ATRNL1: variants seen among roughly 807,000 people sequenced by gnomAD.
ATRNL1 encodes the protein attractin like 1.
In ATRNL1, 95 loss-of-function variants were observed where a neutral mutation model predicts 182.7. That is an observed-to-expected ratio of 0.52 (90% CI 0.44 to 0.62). The LOEUF is 0.62. Among genes scored for constraint, ATRNL1 ranks in the 20% least tolerant of loss-of-function variants. ATRNL1 has a pLI of 0.00. For missense variants in ATRNL1, 1,471 were observed against 1,679.5 expected, an observed-to-expected ratio of 0.88 and a Z score of 2.17; for synonymous variants, 576 against 568.3, an observed-to-expected ratio of 1.01 and a Z score of -0.19.
chr10:115,285,977 C>A (rs1852592608), intron 14 of ATRNL1, among the ~76,000 whole-genome samples: 1 of 151,996 alleles, frequency 6.6e-6, no homozygotes, highest in Non-Finnish European at 1.5e-5. Context: ...GCAGTCAACA[C>A]ATTTAACAGA....
At chr10:115,673,224 G>T (rs1945754612) in intron 26 of ATRNL1, among the ~76,000 whole-genome samples, 1 of 152,096 alleles carries the variant, frequency 6.6e-6, no homozygotes, top group Non-Finnish European at 1.5e-5. Context: ...AAATCTGAGT[G>T]ATATAATGGC....
At chr10:115,714,486 C>T (rs147297195) in intron 26 of ATRNL1, among the ~76,000 whole-genome samples, 54 of 152,276 alleles carry the variant, frequency 3.5e-4, no homozygotes, top group African/African-American at 1.3e-3. Flanking sequence ...TGCATTCCTC[C>T]CATTGCACAG....
At chr10:115,622,134 G>GA (rs1285422885) in intron 26 of ATRNL1, among the ~76,000 whole-genome samples, 105 of 152,300 alleles carry the variant, frequency 6.9e-4, no homozygotes, top group African/African-American at 2.4e-3. Context: ...GACGAAGAGA[G>GA]AGTCTCCGAA....
chr10:115,504,438 A>G (rs1007167688), intron 24 of ATRNL1, among the ~76,000 whole-genome samples: 1 of 152,094 alleles, frequency 6.6e-6, no homozygotes, highest in East Asian at 1.9e-4. Context: ...CCACAGAATT[A>G]GAAGTTATGG....
At chr10:115,540,136 A>C (rs1852267675) in intron 25 of ATRNL1, among the ~76,000 whole-genome samples, 2 of 150,652 alleles carry the variant, frequency 1.3e-5, no homozygotes, top group East Asian at 3.9e-4. Context: ...AATAATAATA[A>C]ATAAATAAAT....
chr10:115,743,770 A>C (rs2907546), intron 27 of ATRNL1, among the ~76,000 whole-genome samples: 3 of 143,818 alleles, frequency 2.1e-5, no homozygotes, highest in Non-Finnish European at 4.5e-5. Context: ...GCATTAAAAT[A>C]CTATGTGTAT....
intron 26 of ATRNL1, among the ~76,000 whole-genome samples, chr10:115,705,231 G>C (rs1363362767): frequency 6.6e-6 from 1 of 151,800 alleles, no homozygotes; most frequent in African/African-American, 2.4e-5. Flanking sequence ...TGGATCCTGA[G>C]AACTAAAAAT....
At chr10:115,421,050 A>C (rs1845627154) in intron 20 of ATRNL1, among the ~76,000 whole-genome samples, 1 of 152,154 alleles carries the variant, frequency 6.6e-6, no homozygotes, top group East Asian at 1.9e-4. Context: ...TGAATCAGTA[A>C]AACAAAGACT....
chr10:115,483,859 C>G (rs782033930), intron 24 of ATRNL1, among the ~76,000 whole-genome samples: 1 of 151,500 alleles, frequency 6.6e-6, no homozygotes, highest in Non-Finnish European at 1.5e-5. Context: ...TTTGCACACT[C>G]TAAGAAGGAA....
At chr10:115,272,562 T>G (rs138504767) in intron 13 of ATRNL1, among the ~76,000 whole-genome samples, 1 of 152,266 alleles carries the variant, frequency 6.6e-6, no homozygotes, top group African/African-American at 2.4e-5. Context: ...GAAGAAAAAT[T>G]TCGCTAATGA....
chr10:115,589,674 T>G (rs1258389877), intron 26 of ATRNL1, among the ~76,000 whole-genome samples: 1 of 152,306 alleles, frequency 6.6e-6, no homozygotes, highest in South Asian at 2.1e-4. Flanking sequence ...TAGCAATAAT[T>G]TTTAACAAAA....
chr10:115,398,311 CT>C (rs1184998044), intron 20 of ATRNL1, among the ~76,000 whole-genome samples: 1 of 151,804 alleles, frequency 6.6e-6, no homozygotes, highest in Non-Finnish European at 1.5e-5. Context: ...AGTTTTCAGT[CT>C]TTTTTTGGCC....
chr10:115,795,531 G>A (rs942262502), intron 27 of ATRNL1, among the ~76,000 whole-genome samples: 1 of 152,098 alleles, frequency 6.6e-6, no homozygotes, highest in African/African-American at 2.4e-5. Flanking sequence ...ACCTGAGACT[G>A]CGTAATTTAT....
At chr10:115,229,804 AG>A (rs1554899556) in intron 9 of ATRNL1, among the ~76,000 whole-genome samples, 2 of 152,262 alleles carry the variant, frequency 1.3e-5, no homozygotes, top group Non-Finnish European at 1.5e-5. Context: ...AAAAATTTGT[AG>A]TACTTATTTT....
chr10:115,363,015 C>T lies in ATRNL1; in HGVS notation c.3175+28596C>T, dbSNP rs1445261852. Among the ~76,000 whole-genome samples, 130 of 151,818 alleles carry T rather than the reference C, an allele frequency of 8.6e-4. 1 individual carries two copies. Among genetic ancestry groups the T allele is most frequent in the Middle Eastern group, 3.4e-3 (1 of 294 alleles). On this transcript the variant is annotated intron_variant, in intron 19 of 28. Coordinates refer to ENST00000355044, the MANE Select transcript of ATRNL1 (RefSeq NM_207303.4). ...TGTGTCTTTATAGCAGCATGATTTA[C>T]AGTCCTTTGGGTATATACCCAGTAA...
chr10:115,608,233 G>A (rs1856971686), intron 26 of ATRNL1, among the ~76,000 whole-genome samples: 1 of 151,910 alleles, frequency 6.6e-6, no homozygotes, highest in African/African-American at 2.4e-5. Context: ...TTTACATTCT[G>A]TGTTACTAGC....
At chr10:115,273,766 G>C (rs1554914004) in intron 13 of ATRNL1, among the ~76,000 whole-genome samples, 1 of 152,214 alleles carries the variant, frequency 6.6e-6, no homozygotes, top group East Asian at 1.9e-4. Flanking sequence ...TGATAGGTCA[G>C]ACTGGGAGAG....
chr10:115,467,362 C>A, intron 23 of ATRNL1, 110 bp downstream of exon 23: 2 of 685,694 alleles, frequency 2.9e-6, no homozygotes, highest in Non-Finnish European at 4.6e-6. Flanking sequence ...TGTTATATGA[C>A]AGGATTATTT....
chr10:115,743,648 A>T (rs1241102725), intron 27 of ATRNL1, among the ~76,000 whole-genome samples: 1 of 152,116 alleles, frequency 6.6e-6, no homozygotes, highest in Non-Finnish European at 1.5e-5. Context: ...AAAATATTTG[A>T]GTTACAAAGT....
Sources: gnomAD v4.1 joint callset for allele counts (sites outside exome capture counted in the v4.1 genomes callset) on GRCh38, gnomAD v4.1.1 for gene constraint, MANE v1.5 for transcripts, NCBI Gene and HGNC (gene_info 2026-07-23, HGNC 2026-07-21) for gene names.